Variants in UBE2E2 observed in about 807,000 individuals in gnomAD.
The protein encoded by UBE2E2 is ubiquitin conjugating enzyme E2 E2.
A neutral mutation model predicts 24.7 loss-of-function variants in UBE2E2; 6 were observed. The ratio of observed to expected loss-of-function variants is 0.24; its 90% CI spans 0.13 to 0.48. UBE2E2 has a LOEUF of 0.48. Ranked by LOEUF, UBE2E2 falls within the 20% of genes least tolerant of loss-of-function variation. The probability of loss-of-function intolerance (pLI) is 0.99; values close to 1 mark genes in which losing one functional copy is unlikely to be tolerated. For missense variants in UBE2E2, 169 were observed against 245.0 expected, an observed-to-expected ratio of 0.69 and a Z score of 2.07; for synonymous variants, 104 against 83.6, an observed-to-expected ratio of 1.24 and a Z score of -1.33.
At chr3:23,278,850 C>T (rs1204077087) in intron 3 of UBE2E2, among the ~76,000 whole-genome samples, 3 of 151,964 alleles carry the variant, frequency 2.0e-5, no homozygotes, top group Non-Finnish European at 4.4e-5. Context: ...GTTTCCAAAC[C>T]TCGGCAGTAA....
At chr3:23,357,539 C>T (rs1695992733) in intron 3 of UBE2E2, among the ~76,000 whole-genome samples, 1 of 152,030 alleles carries the variant, frequency 6.6e-6, no homozygotes, top group African/African-American at 2.4e-5. Context: ...ATCCTACTGT[C>T]TTAAAATGGT....
chr3:23,327,752 G>A (rs1401466422), intron 3 of UBE2E2, among the ~76,000 whole-genome samples: 1 of 152,150 alleles, frequency 6.6e-6, no homozygotes. Flanking sequence ...CATTTTGCAG[G>A]TCTGAAAAAA....
rs76805505 is a variant in UBE2E2, at chr3:23,248,836, G to A, written c.227+31524G>A. Among the ~76,000 whole-genome samples the A allele has an allele frequency of 6.7e-4, 102 of 152,310 alleles. 5 individuals carry two copies. The East Asian group carries it at 0.016, about 24-fold the overall frequency. ...CAGCTACTTCATCTGTTATTCAGCC[G>A]AATGAACAGTGAGTGATCTGTTGCA... is the stretch of plus-strand genomic sequence containing the variant. On this transcript the variant is annotated intron_variant, in intron 3 of 5. Coordinates refer to ENST00000396703, the MANE Select transcript of UBE2E2 (RefSeq NM_152653.4).
At chr3:23,505,216 C>T (rs769042569) in intron 4 of UBE2E2, among the ~76,000 whole-genome samples, 9 of 151,876 alleles carry the variant, frequency 5.9e-5, no homozygotes, top group Non-Finnish European at 8.8e-5. Flanking sequence ...CCACCGCCGC[C>T]GGCCTGTGTT....
intron 3 of UBE2E2, among the ~76,000 whole-genome samples, chr3:23,364,776 G>A (rs1256180114): frequency 2.0e-5 from 3 of 152,086 alleles, no homozygotes; most frequent in African/African-American, 7.2e-5. Flanking sequence ...ATTCTGTGAG[G>A]CTAGCATCAT....
intron 5 of UBE2E2, among the ~76,000 whole-genome samples, chr3:23,567,057 G>T (rs528492931): frequency 6.6e-6 from 1 of 152,294 alleles, no homozygotes; most frequent in Admixed American, 6.5e-5. Flanking sequence ...GTAAAAAGAT[G>T]CATTCTAGGA....
chr3:23,467,189 G>T (rs554364920), intron 3 of UBE2E2, among the ~76,000 whole-genome samples: 1 of 152,300 alleles, frequency 6.6e-6, no homozygotes, highest in African/African-American at 2.4e-5. Flanking sequence ...GTAATATACA[G>T]TACTACCTGT....
At chr3:23,449,049 G>T (rs1698495794) in intron 3 of UBE2E2, among the ~76,000 whole-genome samples, 1 of 152,106 alleles carries the variant, frequency 6.6e-6, no homozygotes, top group African/African-American at 2.4e-5. Context: ...CAGCCCAAAG[G>T]TATACTATGG....
intron 3 of UBE2E2, among the ~76,000 whole-genome samples, chr3:23,436,252 G>C (rs1268111932): frequency 6.6e-6 from 1 of 152,066 alleles, no homozygotes; most frequent in African/African-American, 2.4e-5. Flanking sequence ...CTTAATTTTA[G>C]GTGTTATACC....
At chr3:23,488,083 A>G (rs1699415370) in intron 3 of UBE2E2, among the ~76,000 whole-genome samples, 2 of 152,192 alleles carry the variant, frequency 1.3e-5, no homozygotes, top group African/African-American at 2.4e-5. Flanking sequence ...TTATTTTCAT[A>G]GCCAAGAAAC....
At chr3:23,298,176 G>A (rs1698966384) in intron 3 of UBE2E2, among the ~76,000 whole-genome samples, 2 of 152,194 alleles carry the variant, frequency 1.3e-5, no homozygotes, top group Admixed American at 1.3e-4. Flanking sequence ...ATCAGCTTGA[G>A]GAGATTTTGG....
At chr3:23,259,816 C>T (rs1324093823) in intron 3 of UBE2E2, among the ~76,000 whole-genome samples, 2 of 152,086 alleles carry the variant, frequency 1.3e-5, no homozygotes, top group Non-Finnish European at 2.9e-5. Flanking sequence ...AATTCTGAAA[C>T]AAAAGTGAAA....
In UBE2E2 at chr3:23,386,781, A is replaced by C. The variant is rs370479713; in HGVS notation, c.228-112827A>C. Among the ~76,000 whole-genome samples the C allele has an allele frequency of 1.1e-4, 16 of 152,308 alleles. No homozygotes were observed. In the South Asian group the frequency reaches 3.3e-3, roughly 32 times the overall value. On this transcript the variant is annotated intron_variant, in intron 3 of 5. Transcript: ENST00000396703. ...ACTCAGAGTAGGGAGTAGAATTTTG[A>C]ATTTGAAGTAGAATGACTGTTTTCC...
chr3:23,546,250 A>G (rs962754731), intron 5 of UBE2E2, among the ~76,000 whole-genome samples: 3 of 152,194 alleles, frequency 2.0e-5, no homozygotes, highest in African/African-American at 7.2e-5. Context: ...GTTTATGTTT[A>G]GAAGACTTCA....
chr3:23,572,872 A>G (rs1179763687), intron 5 of UBE2E2, among the ~76,000 whole-genome samples: 1 of 152,278 alleles, frequency 6.6e-6, no homozygotes, highest in East Asian at 1.9e-4. Context: ...TTTTGGTAGA[A>G]CAATCTATTT....
chr3:23,203,550 CCGCGT>C, intron 1 of UBE2E2, 86 bp downstream of exon 1: 1 of 849,866 alleles, frequency 1.2e-6, no homozygotes, highest in Non-Finnish European at 1.4e-6. Flanking sequence ...GACCTCCCCT[CCGCGT>C]CGCAGGTCTC....
intron 4 of UBE2E2, among the ~76,000 whole-genome samples, chr3:23,517,630 T>C (rs1694771457): frequency 6.6e-6 from 1 of 152,352 alleles, no homozygotes; most frequent in Middle Eastern, 3.4e-3. Flanking sequence ...CCTGTCCTTA[T>C]ATAAATTTGT....
At chr3:23,555,031 T>C (rs959203229) in intron 5 of UBE2E2, among the ~76,000 whole-genome samples, 1 of 152,052 alleles carries the variant, frequency 6.6e-6, no homozygotes, top group Non-Finnish European at 1.5e-5. Flanking sequence ...TGCTGCTGCC[T>C]CAGCCTCCTG....
intron 3 of UBE2E2, among the ~76,000 whole-genome samples, chr3:23,301,491 C>T (rs2125263446): frequency 6.6e-6 from 1 of 152,272 alleles, no homozygotes; most frequent in South Asian, 2.1e-4. Context: ...TGTTAGTTTT[C>T]CTTCTAACAG....
Sources: allele counts gnomAD v4.1 joint callset (sites outside exome capture counted in the v4.1 genomes callset), GRCh38; gene constraint gnomAD v4.1.1; transcripts MANE v1.5; gene names NCBI Gene and HGNC (gene_info 2026-07-23, HGNC 2026-07-21).